Variants in CBFA2T2 observed in about 807,000 individuals in gnomAD.
CBFA2T2 encodes CBFA2/RUNX1 partner transcriptional co-repressor 2.
In CBFA2T2, 11 loss-of-function variants were observed where a neutral mutation model predicts 62.2. The observed-to-expected ratio is 0.18, with a 90% CI of 0.11 to 0.29. The LOEUF (loss-of-function observed/expected upper bound fraction) is 0.29, where lower values mean the gene tolerates loss of function less well. Among genes scored for constraint, CBFA2T2 ranks in the 10% least tolerant of loss-of-function variants. CBFA2T2 has a pLI of 1.00. For synonymous variants in CBFA2T2, 295 were observed against 287.5 expected (o/e 1.03, Z -0.27); for missense variants, 592 against 774.1 (o/e 0.76, Z 2.79).
chr20:33,499,430 A>G (rs2011243105), intron 1 of CBFA2T2, among the ~76,000 whole-genome samples: 1 of 152,220 alleles, frequency 6.6e-6, no homozygotes, highest in African/African-American at 2.4e-5. Context: ...AAGGGATCTC[A>G]TAATGCTGTA....
rs2017079432 is a variant in CBFA2T2, at chr20:33,647,122, C to G, written c.*2476C>G. Reference sequence around the variant, plus strand: ...CCATCTGCCTCCTTAAGCCACAGTCCTTGGTGGGGAACTCTAAGGGGGACG... The same window carrying G: ...CCATCTGCCTCCTTAAGCCACAGTCGTTGGTGGGGAACTCTAAGGGGGACG... On this transcript the variant is annotated 3_prime_UTR_variant, in exon 11 of 11. Coordinates refer to ENST00000342704, the MANE Select transcript of CBFA2T2 (RefSeq NM_001032999.3). The G allele has an allele frequency of 6.6e-6, 1 of 152,220 alleles. No homozygotes were observed. The highest frequency in any genetic ancestry group is 6.5e-5 in the Admixed American group (1 of 15,276). The allele number at this position is 152,220 out of a possible 1,614,324, so 9.4% of individuals were successfully genotyped here. A position where few individuals can be genotyped will look rare whatever the true frequency, so the allele number is the denominator to read the frequency against.
rs1003329451 is a variant in CBFA2T2 at position 33,523,283 on chromosome 20, AT to A, written c.34+32991del. ...CATAGGCTTTATTTTTTATTTATTTATTTTTTTTTATATTTTGAGACAGTCT... is the reference window on the plus strand; with the variant it reads ...CATAGGCTTTATTTTTTATTTATTTATTTTTTTTATATTTTGAGACAGTCT... On this transcript the variant is annotated intron_variant, in intron 1 of 10. Coordinates refer to ENST00000342704, the MANE Select transcript of CBFA2T2 (RefSeq NM_001032999.3). Among the ~76,000 whole-genome samples the A allele has an allele frequency of 2.4e-4, 37 of 151,190 alleles. No homozygotes were observed. The South Asian group carries it at 3.4e-3, about 14-fold the overall frequency.
intron 8 of CBFA2T2, among the ~76,000 whole-genome samples, chr20:33,630,879 G>A (rs1189756648): frequency 6.6e-6 from 1 of 152,186 alleles, no homozygotes; most frequent in Non-Finnish European, 1.5e-5. Flanking sequence ...GACAGTGGGA[G>A]TTAAAGGCTC....
intron 1 of CBFA2T2, among the ~76,000 whole-genome samples, chr20:33,546,202 G>C (rs1189277137): frequency 6.6e-6 from 1 of 151,944 alleles, no homozygotes; most frequent in African/African-American, 2.4e-5. Flanking sequence ...CTGAAGATTT[G>C]CAATTAATTT....
At chr20:33,604,564 A>C (rs890581157) in intron 1 of CBFA2T2, among the ~76,000 whole-genome samples, 1 of 152,208 alleles carries the variant, frequency 6.6e-6, no homozygotes, top group African/African-American at 2.4e-5. Context: ...ACAGTTCTCT[A>C]GTGGCTGGGT....
intron 1 of CBFA2T2, among the ~76,000 whole-genome samples, chr20:33,492,826 A>G (rs999861237): frequency 6.6e-6 from 1 of 152,016 alleles, no homozygotes; most frequent in Non-Finnish European, 1.5e-5. Context: ...TAGTGTTTCT[A>G]AGAGAATTCT....
chr20:33,558,588 T>A (rs2012985890), intron 1 of CBFA2T2, among the ~76,000 whole-genome samples: 1 of 152,172 alleles, frequency 6.6e-6, no homozygotes, highest in Admixed American at 6.5e-5. Flanking sequence ...CTGTGTCCCC[T>A]CAATGTTTTA....
chr20:33,596,919 G>GTTTTTTTTTTT (rs59278499), intron 1 of CBFA2T2, among the ~76,000 whole-genome samples: 27 of 125,370 alleles, frequency 2.2e-4, no homozygotes, highest in Non-Finnish European at 2.7e-4. Context: ...CTTGACCTCT[G>GTTTTTTTTTTT]TTTTTTTTTT....
In CBFA2T2 at chr20:33,561,064, G is replaced by T. The variant is rs1479887305; in HGVS notation, c.35-45892G>T. ...AGCTAATTTTTGTGTTTTTAGTAGAGACAGGGTTTCACCATGTTGGCCAGG... is the reference window on the plus strand; with the variant it reads ...AGCTAATTTTTGTGTTTTTAGTAGATACAGGGTTTCACCATGTTGGCCAGG... On this transcript the variant is annotated intron_variant, in intron 1 of 10. Transcript: ENST00000342704. Among the ~76,000 whole-genome samples the T allele has an allele frequency of 2.0e-5, 3 of 152,152 alleles. No individual in the cohort carries two copies. In the South Asian group the frequency reaches 6.2e-4, roughly 31 times the overall value.
At chr20:33,603,716 T>C (rs2015231625) in intron 1 of CBFA2T2, among the ~76,000 whole-genome samples, 1 of 152,208 alleles carries the variant, frequency 6.6e-6, no homozygotes, top group African/African-American at 2.4e-5. Flanking sequence ...AAAGAATTTC[T>C]TCTTCAACTC....
At chr20:33,497,136 G>A (rs2011208153) in intron 1 of CBFA2T2, among the ~76,000 whole-genome samples, 1 of 152,028 alleles carries the variant, frequency 6.6e-6, no homozygotes, top group African/African-American at 2.4e-5. Context: ...AGCTGGGCAT[G>A]GTGGTGCATG....
At chr20:33,529,768 T>TTTCTTTTTTTTTTTTTA (rs2011997790) in intron 1 of CBFA2T2, among the ~76,000 whole-genome samples, 1 of 142,598 alleles carries the variant, frequency 7.0e-6, no homozygotes, top group Admixed American at 7.0e-5. Flanking sequence ...TATATATATA[T>TTTCTTTTTTTTTTTTTA]ATATATATAT....
chr20:33,537,223 G>A (rs767419330), intron 1 of CBFA2T2, among the ~76,000 whole-genome samples: 12 of 152,264 alleles, frequency 7.9e-5, no homozygotes, highest in Admixed American at 6.5e-5. Flanking sequence ...ACCAGACTCC[G>A]TCTGCAATCC....
chr20:33,537,355 C>T (rs1237933153), intron 1 of CBFA2T2, among the ~76,000 whole-genome samples: 3 of 152,218 alleles, frequency 2.0e-5, no homozygotes, highest in Non-Finnish European at 2.9e-5. Context: ...GGCGTGGCAG[C>T]GCGCGCCTGC....
intron 10 of CBFA2T2, among the ~76,000 whole-genome samples, chr20:33,641,428 C>A (rs1356971978): frequency 6.6e-6 from 1 of 152,152 alleles, no homozygotes; most frequent in Non-Finnish European, 1.5e-5. Flanking sequence ...AATCAACAAA[C>A]TGAAAAAGAA....
intron 1 of CBFA2T2, among the ~76,000 whole-genome samples, chr20:33,578,196 G>A (rs949429926): frequency 2.0e-5 from 3 of 151,878 alleles, no homozygotes; most frequent in African/African-American, 7.2e-5. Flanking sequence ...CTTTAGTATT[G>A]GTACACCTAA....
At chr20:33,553,217 C>T (rs1239804105) in intron 1 of CBFA2T2, among the ~76,000 whole-genome samples, 2 of 152,074 alleles carry the variant, frequency 1.3e-5, no homozygotes, top group Non-Finnish European at 1.5e-5. Flanking sequence ...TGCTATAAAT[C>T]AGAGTTTAGT....
chr20:33,564,008 C>T (rs919663554), intron 1 of CBFA2T2, among the ~76,000 whole-genome samples: 7 of 152,100 alleles, frequency 4.6e-5, no homozygotes, highest in Admixed American at 2.0e-4. Context: ...TGCTTTGTGA[C>T]GACACTGTTG....
At chr20:33,546,047 A>G (rs947373359) in intron 1 of CBFA2T2, among the ~76,000 whole-genome samples, 1 of 152,222 alleles carries the variant, frequency 6.6e-6, no homozygotes, top group Admixed American at 6.5e-5. Flanking sequence ...CAAGCCTACC[A>G]TGTGGTAGAC....
Sources: allele counts gnomAD v4.1 joint callset (sites outside exome capture counted in the v4.1 genomes callset), GRCh38; gene constraint gnomAD v4.1.1; transcripts MANE v1.5; gene names NCBI Gene and HGNC (gene_info 2026-07-23, HGNC 2026-07-21).